THOC1: variants seen among roughly 807,000 people sequenced by gnomAD.
THOC1 encodes THO complex subunit 1, also known as THO complex 1.
Under a neutral mutation model 97.3 loss-of-function variants are expected in THOC1, and 29 were observed. The ratio of observed to expected loss-of-function variants is 0.30; its 90% CI spans 0.22 to 0.41. THOC1 has a LOEUF of 0.41. THOC1 is among the 10% of genes least tolerant of loss of function. THOC1 has a pLI of 1.00. For missense variants in THOC1, 529 were observed against 761.9 expected (o/e 0.69, Z 3.60); for synonymous variants, 255 against 257.0 (o/e 0.99, Z 0.07).
At chr18:252,893 G>A (rs533847789) in intron 8 of THOC1, among the ~76,000 whole-genome samples, 76 of 152,224 alleles carry the variant, frequency 5.0e-4, no homozygotes, top group Non-Finnish European at 8.8e-4. Context: ...TTCCCTCTGG[G>A]AATAAAGGGC....
At chr18:262,600 ACACTG>A (rs1912637674) in intron 4 of THOC1, among the ~76,000 whole-genome samples, 1 of 152,256 alleles carries the variant, frequency 6.6e-6, no homozygotes, top group Non-Finnish European at 1.5e-5. Context: ...AACTCAGGAC[ACACTG>A]AACACTGTTT....
chr18:267,719 C>G (rs769577936), intron 1 of THOC1, among the ~76,000 whole-genome samples: 6 of 152,184 alleles, frequency 3.9e-5, no homozygotes, highest in Non-Finnish European at 8.8e-5. Flanking sequence ...AGCGGGGAGC[C>G]GAGGCGCCCA....
chr18:234,425 A>T (rs1911601361), intron 11 of THOC1, among the ~76,000 whole-genome samples: 1 of 152,230 alleles, frequency 6.6e-6, no homozygotes, highest in African/African-American at 2.4e-5. Context: ...GGGTTTTTAA[A>T]ATCAGTCCTT....
At position 254,411 on chromosome 18, in the gene THOC1, G is replaced by T; in HGVS notation, c.521-56C>A. The T allele has an allele frequency of 1.9e-6, 2 of 1,064,238 alleles. No homozygotes were observed. The highest frequency in any genetic ancestry group is 2.8e-6 in the Non-Finnish European group (2 of 713,862). The allele number at this position is 1,064,238 out of a possible 1,614,324, so 65.9% of individuals were successfully genotyped here. A position where few individuals can be genotyped will look rare whatever the true frequency, so the allele number is the denominator to read the frequency against. ...CAAGTCCAGTGACACCTAAACTTAT[G>T]TATAACTTGTGTCATAATCAAAACT... On this transcript the variant is annotated intron_variant, in intron 7 of 20. Coordinates refer to ENST00000261600, the MANE Select transcript of THOC1 (RefSeq NM_005131.3). This position sits in a 1 kb window ranked among gnomAD's most constrained non-coding sequence, Gnocchi z 4.1.
At chr18:216,417 C>T (rs1317499006) in intron 19 of THOC1, 69 bp downstream of exon 19, 5 of 1,530,640 alleles carry the variant, frequency 3.3e-6, no homozygotes, top group Non-Finnish European at 4.4e-6. Flanking sequence ...GTTTTTTGCT[C>T]ACATAGTGAC....
rs1912383311 is a variant in THOC1, at chr18:254,683, A to T, written c.521-328T>A. ...ATTTTGGTAATTCTCACAATATTTC[A>T]AACTTTTTCATTATTATTATATCTG... On this transcript the variant is annotated intron_variant, in intron 7 of 20. Transcript: ENST00000261600. The surrounding 1 kb of genome is among the most constrained non-coding windows in gnomAD (Gnocchi z 4.1). 6.6e-6 allele frequency among the ~76,000 whole-genome samples: 1 copy of T among 152,126 alleles called. No individual in the cohort carries two copies. The highest frequency in any genetic ancestry group is 2.4e-5 in the African/African-American group (1 of 41,436).
Position 214,909 on chromosome 18 carries a change from C to T in THOC1, c.1691G>A (p.Arg564Gln), listed in dbSNP as rs988418371. 8 of 1,613,532 alleles carry T rather than the reference C, an allele frequency of 5.0e-6. No homozygotes were observed. In the South Asian group the frequency reaches 7.7e-5, roughly 16 times the overall value. ...LLKENESPDVRRDKPVTGEQI... is the reference protein window; with the variant it reads ...LLKENESPDVQRDKPVTGEQI... ...TTCTCCTGTTACAGGTTTGTCTCGC[C>T]GAACATCAGGACCTAGAAAATGAAG... Residue 564 changes from arginine (R) to glutamine (Q), a missense_variant, in exon 21 of 21, where the codon CGG (arginine) becomes CAG (glutamine). This residue lies in a region of THOC1 where 98 missense variants were observed against 111.9 expected (regional missense o/e 0.88). Coordinates refer to ENST00000261600, the MANE Select transcript of THOC1 (RefSeq NM_005131.3).
At position 224,223 on chromosome 18, in the gene THOC1, A is replaced by G. The variant is rs754518557; in HGVS notation, c.1209-44T>C. On this transcript the variant is annotated intron_variant, in intron 15 of 20. Transcript: ENST00000261600. ...ACACTATTTTTTGAATTACAAATGG[A>G]TAACAGAAATAGAAGAATGTTTAAC... is the stretch of plus-strand genomic sequence containing the variant. 6.9e-6 allele frequency: 9 copies of G among 1,305,472 alleles called. No homozygotes were observed. In the Admixed American group the frequency reaches 8.0e-5, roughly 12 times the overall value. The allele number at this position is 1,305,472 out of a possible 1,614,324, so 80.9% of individuals were successfully genotyped here. A position where few individuals can be genotyped will look rare whatever the true frequency, so the allele number is the denominator to read the frequency against.
chr18:222,836 G>T (rs1598288775), intron 17 of THOC1, among the ~76,000 whole-genome samples: 2 of 151,862 alleles, frequency 1.3e-5, no homozygotes, highest in East Asian at 3.9e-4. Context: ...GATTTATTTG[G>T]TTTATCCTCC....
At chr18:226,049 C>G (rs1052961644) in intron 12 of THOC1, 6 of 152,232 alleles carry the variant, frequency 3.9e-5, no homozygotes, top group Admixed American at 3.3e-4. Flanking sequence ...CTTCAAAGTC[C>G]CTCATCTTCC....
At chr18:221,577 G>A (rs1911078161) in intron 17 of THOC1, among the ~76,000 whole-genome samples, 1 of 145,714 alleles carries the variant, frequency 6.9e-6, no homozygotes, top group South Asian at 2.2e-4. Flanking sequence ...TATTTTTAAG[G>A]TATATTTCTT....
At chr18:221,887 T>C (rs541920623) in intron 17 of THOC1, among the ~76,000 whole-genome samples, 138 of 152,222 alleles carry the variant, frequency 9.1e-4, no homozygotes, top group South Asian at 7.7e-3. Context: ...GGATTACAGG[T>C]ATGAGCCACC....
Position 254,381 on chromosome 18 carries a change from C to T in THOC1, c.521-26G>A. 1.4e-6 allele frequency: 2 copies of T among 1,438,568 alleles called. No homozygotes were observed. Among genetic ancestry groups the T allele is most frequent in the Non-Finnish European group, 1.9e-6 (2 of 1,047,382 alleles). 89.1% of individuals were successfully genotyped at this position (1,438,568 alleles called of 1,614,324 possible). A position where few individuals can be genotyped will look rare whatever the true frequency, so the allele number is the denominator to read the frequency against. On this transcript the variant is annotated intron_variant, in intron 7 of 20. Transcript: ENST00000261600. The surrounding 1 kb of genome is among the most constrained non-coding windows in gnomAD (Gnocchi z 4.1). Reference sequence around the variant, plus strand: ...CTAGTAAAAAAACAAAAAAAAGATGCAAAGCAAGTCCAGTGACACCTAAAC... The same window carrying T: ...CTAGTAAAAAAACAAAAAAAAGATGTAAAGCAAGTCCAGTGACACCTAAAC...
At chr18:263,718 T>C (rs610712) in intron 4 of THOC1, 38,015 of 241,144 alleles carry the variant, frequency 0.16, 3,754 homozygotes, top group Non-Finnish European at 0.21. Flanking sequence ...GGGGAATATG[T>C]TTTATTCACC....
In THOC1 at chr18:215,016, G is replaced by A. The variant is rs909742116; in HGVS notation, c.1679-95C>T. ...CAATAAGTTTTATTAACCACCTTTA[G>A]TAGACTTTATTTTAAAAGTAAACAA... On this transcript the variant is annotated intron_variant, in intron 20 of 20. Transcript: ENST00000261600. The A allele has an allele frequency of 2.4e-5, 26 of 1,089,092 alleles. No homozygotes were observed. The East Asian group carries it at 6.2e-4, about 26-fold the overall frequency. The allele number at this position is 1,089,092 out of a possible 1,614,324, so 67.5% of individuals were successfully genotyped here.
intron 17 of THOC1, among the ~76,000 whole-genome samples, chr18:223,074 ACTG>A (rs1911146850): frequency 1.3e-5 from 2 of 152,100 alleles, no homozygotes; most frequent in Non-Finnish European, 2.9e-5. Flanking sequence ...CTATGTCTAG[ACTG>A]CTATTAAACT....
At chr18:237,131 A>G (rs1037364078) in intron 11 of THOC1, among the ~76,000 whole-genome samples, 4 of 151,600 alleles carry the variant, frequency 2.6e-5, no homozygotes, top group African/African-American at 9.7e-5. Flanking sequence ...GATTTCTAGA[A>G]AAGTACTAAA....
intron 11 of THOC1, 147 bp downstream of exon 11, chr18:246,177 C>T (rs1912080719): frequency 3.1e-6 from 2 of 646,852 alleles, no homozygotes. Context: ...AGAAATGGGA[C>T]TTTCAAACTA....
At position 223,453 on chromosome 18, in the gene THOC1, T is replaced by C; in HGVS notation, c.1357A>G (p.Lys453Glu). The change falls in exon 17 of 21, where the codon AAA becomes GAA. Residue 453 changes from lysine to glutamate, a missense_variant. Lys to Glu is a moderately conservative substitution (Grantham distance 56). Transcript: ENST00000261600. ...TGTTCAACTTGCCTTGTCTCTGATT[T>C]ACAGGCTTCCATATTATCAGGGCAA... ...NLCPDNMEAC[K>E]SETREHMPTL... 1 of 1,558,434 alleles carries C rather than the reference T, an allele frequency of 6.4e-7. No homozygotes were observed. Among genetic ancestry groups the C allele is most frequent in the Non-Finnish European group, 8.7e-7 (1 of 1,150,076 alleles).
Sources: gnomAD v4.1 joint callset for allele counts (sites outside exome capture counted in the v4.1 genomes callset) on GRCh38, gnomAD v4.1.1 for gene constraint, gnomAD v4.1.1 regional missense constraint, Gnocchi (gnomAD v3.1) non-coding constraint, MANE v1.5 for transcripts, NCBI Gene and HGNC (gene_info 2026-07-23, HGNC 2026-07-21) for gene names.